CDKL3: variants seen among roughly 807,000 people sequenced by gnomAD.
CDKL3 encodes the protein cyclin dependent kinase like 3.
Under a neutral mutation model 69.3 loss-of-function variants are expected in CDKL3, and 65 were observed. That is an observed-to-expected ratio of 0.94 (90% CI 0.77 to 1.15). The LOEUF is 1.15. CDKL3 is among the 50% of genes most tolerant of loss of function. The pLI is 0.00. For missense variants in CDKL3, 652 were observed against 689.2 expected, an observed-to-expected ratio of 0.95 and a Z score of 0.61; for synonymous variants, 202 against 221.6, an observed-to-expected ratio of 0.91 and a Z score of 0.79.
chr5:134,346,600 G>A (rs572481595), intron 4 of CDKL3, among the ~76,000 whole-genome samples: 1 of 152,084 alleles, frequency 6.6e-6, no homozygotes, highest in Non-Finnish European at 1.5e-5. Context: ...GGGTTCAAGC[G>A]TTTTTCCTGC....
At chr5:134,313,975 T>TA (rs1160214955) in intron 6 of CDKL3, among the ~76,000 whole-genome samples, 23 of 146,290 alleles carry the variant, frequency 1.6e-4, no homozygotes, top group African/African-American at 3.7e-4. Context: ...CCGTCCCCAC[T>TA]AAAAAAAAAA....
chr5:134,304,440 A>C lies in CDKL3; in HGVS notation c.1586T>G (p.Val529Gly). The C allele has an allele frequency of 6.2e-7, 1 of 1,613,048 alleles. No homozygotes were observed. Among genetic ancestry groups the C allele is most frequent in the Non-Finnish European group, 8.5e-7 (1 of 1,179,550 alleles). Residue 529 changes from valine (V) to glycine (G), a missense_variant, in exon 11 of 13, where the codon GTC becomes GGC. By Grantham distance (109) the Val-to-Gly change is moderately radical. Coordinates refer to ENST00000265334, the MANE Select transcript of CDKL3 (RefSeq NM_001113575.2). The stretch of plus-strand genomic sequence containing the variant: ...TTTTGTATCTTTTGACTGTATTGTG[A>C]CAGGCAATTCTGGAAAATGGAATTC... ...RKEFHFPELP[V>G]TIQSKDTKGM...
At chr5:134,310,073 C>T (rs545920765) in intron 7 of CDKL3, among the ~76,000 whole-genome samples, 8 of 152,148 alleles carry the variant, frequency 5.3e-5, no homozygotes, top group Non-Finnish European at 1.0e-4. Context: ...TCAAGCAATC[C>T]GCCTGCTTCG....
Position 134,366,995 on chromosome 5 carries a change from C to T in CDKL3, c.-40G>A. Reference sequence around the variant, plus strand: ...GCCGGACCGGCGTCACGCCCCACGTCCCGCTGTTGACTTTATCCAAACAGC... The same window carrying T: ...GCCGGACCGGCGTCACGCCCCACGTTCCGCTGTTGACTTTATCCAAACAGC... On this transcript the variant is annotated 5_prime_UTR_variant, in exon 1 of 13. Transcript: ENST00000265334. The T allele has an allele frequency of 1.0e-6, 1 of 989,928 alleles. No homozygotes were observed. The allele number at this position is 989,928 out of a possible 1,614,324, so 61.3% of individuals were successfully genotyped here. A position where few individuals can be genotyped will look rare whatever the true frequency, so the allele number is the denominator to read the frequency against.
At chr5:134,285,151 C>T (rs1054346352), downstream of CDKL3, among the ~76,000 whole-genome samples, 6 of 152,174 alleles carry the variant, frequency 3.9e-5, no homozygotes, top group African/African-American at 9.7e-5. Flanking sequence ...GTGAGTCTAC[C>T]ATTCTGGGGT....
intron 3 of CDKL3, among the ~76,000 whole-genome samples, chr5:134,359,501 C>G (rs190087728): frequency 6.6e-6 from 1 of 152,260 alleles, no homozygotes; most frequent in East Asian, 1.9e-4. Flanking sequence ...ACTTACTATT[C>G]CCCCCGCCTT....
chr5:134,356,357 A>T (rs1255527107), intron 3 of CDKL3, among the ~76,000 whole-genome samples: 1 of 152,160 alleles, frequency 6.6e-6, no homozygotes, highest in Non-Finnish European at 1.5e-5. Flanking sequence ...CTCGCCCACC[A>T]CTCATCTACT....
upstream of CDKL3, chr5:134,371,505 G>T (rs1168596224): frequency 4.1e-5 from 62 of 1,504,664 alleles, no homozygotes; most frequent in East Asian, 1.5e-3. Context: ...CGGCGGCGGC[G>T]ATCCACAGTG....
upstream of CDKL3, chr5:134,367,478 A>G: frequency 2.4e-6 from 2 of 832,838 alleles, no homozygotes; most frequent in Non-Finnish European, 2.9e-6. Context: ...GGTTTAAGTG[A>G]TTTTCCTGCC....
At chr5:134,305,798 T>C (rs1767657946) in intron 10 of CDKL3, among the ~76,000 whole-genome samples, 1 of 152,196 alleles carries the variant, frequency 6.6e-6, no homozygotes, top group East Asian at 1.9e-4. Flanking sequence ...AATAAATCAA[T>C]TTCCTATGTA....
In CDKL3 at chr5:134,304,565, G is replaced by C. The variant is rs779760816; in HGVS notation, c.1461C>G (p.Ser487Arg). Reference sequence around the variant, plus strand: ...CATTAAATATACCCTTCTCCATTTGGCTCTAAACAAACAAACAAGAGTTAG... The same window carrying C: ...CATTAAATATACCCTTCTCCATTTGCCTCTAAACAAACAAACAAGAGTTAG... ...SRQEDPGPIQ[S>R]QMEKGIFNER... The change falls in exon 11 of 13, where the codon AGC (serine) becomes AGG (arginine). Residue 487 changes from serine (S) to arginine (R), a missense_variant and splice_region_variant. Ser to Arg is a moderately radical substitution (Grantham distance 110, BLOSUM62 -1). Coordinates refer to ENST00000265334, the MANE Select transcript of CDKL3 (RefSeq NM_001113575.2). 8.8e-6 allele frequency: 14 copies of C among 1,592,714 alleles called. No individual in the cohort carries two copies. Among genetic ancestry groups the C allele is most frequent in the Non-Finnish European group, 1.2e-5 (14 of 1,172,288 alleles).
intron 5 of CDKL3, 84 bp from the exon 6 acceptor site, chr5:134,319,581 A>C (rs989431906): frequency 8.6e-7 from 1 of 1,167,916 alleles, no homozygotes; most frequent in South Asian, 1.6e-5. Context: ...CATCTATGTT[A>C]GATTACTAAA....
At chr5:134,337,791 T>C (rs1222262794) in intron 4 of CDKL3, among the ~76,000 whole-genome samples, 1 of 152,224 alleles carries the variant, frequency 6.6e-6, no homozygotes, top group African/African-American at 2.4e-5. Flanking sequence ...ATTTGATGCT[T>C]GTTCTTGCTT....
intron 5 of CDKL3, among the ~76,000 whole-genome samples, chr5:134,319,777 T>C (rs4958228): frequency 0.57 from 86,781 of 152,046 alleles, 26,801 homozygotes; most frequent in Non-Finnish European, 0.71. Context: ...TATGTAATGC[T>C]ATCAGAAAAT....
At chr5:134,325,055 G>A (rs1189697716) in intron 4 of CDKL3, among the ~76,000 whole-genome samples, 2 of 152,152 alleles carry the variant, frequency 1.3e-5, no homozygotes, top group Admixed American at 6.5e-5. Context: ...GCTCATGCCT[G>A]TAGTCCCAGC....
intron 4 of CDKL3, among the ~76,000 whole-genome samples, chr5:134,324,348 A>G (rs1773554379): frequency 6.6e-6 from 1 of 152,216 alleles, no homozygotes; most frequent in South Asian, 2.1e-4. Context: ...CTTGGGATTT[A>G]CCCAAGTGAG....
chr5:134,325,997 C>T (rs1436122382), intron 4 of CDKL3, among the ~76,000 whole-genome samples: 6 of 144,768 alleles, frequency 4.1e-5, no homozygotes, highest in African/African-American at 5.1e-5. Context: ...AGGATGGTCT[C>T]GATACCCTGA....
chr5:134,293,674 C>A (rs1005187007), downstream of CDKL3, among the ~76,000 whole-genome samples: 7 of 151,874 alleles, frequency 4.6e-5, no homozygotes, highest in Non-Finnish European at 8.8e-5. Context: ...GCGGTGTACA[C>A]CTGTAGTCCT....
chr5:134,297,618 G>C (rs940457852), downstream of CDKL3, among the ~76,000 whole-genome samples: 1 of 146,586 alleles, frequency 6.8e-6, no homozygotes, highest in African/African-American at 2.5e-5. Flanking sequence ...TTTCACTCTC[G>C]TTGCCCAGGC....
Sources: gnomAD v4.1 joint callset for allele counts (sites outside exome capture counted in the v4.1 genomes callset) on GRCh38, gnomAD v4.1.1 for gene constraint, MANE v1.5 for transcripts, NCBI Gene and HGNC (gene_info 2026-07-23, HGNC 2026-07-21) for gene names.